Variants in CLVS1 observed in about 807,000 individuals in gnomAD.
CLVS1 encodes clavesin 1, also known as clavesin-1.
CLVS1 carries 10 observed loss-of-function variants against 33.1 expected under a neutral mutation model. The ratio of observed to expected loss-of-function variants is 0.30; its 90% CI spans 0.19 to 0.51. CLVS1 has a LOEUF of 0.51. Ranked by LOEUF, CLVS1 falls within the 20% of genes least tolerant of loss-of-function variation. CLVS1 has a pLI of 0.97. For synonymous variants in CLVS1, 163 were observed against 166.1 expected, an observed-to-expected ratio of 0.98 and a Z score of 0.14; for missense variants, 343 against 433.4, an observed-to-expected ratio of 0.79 and a Z score of 1.85.
At position 61,315,779 on chromosome 8, in the gene CLVS1, T is replaced by C. The variant is rs142498979; in HGVS notation, c.455+15497T>C. ...AGTTCTGGGATACATGTGCAGAAAG[T>C]GCAGGTTTGTTACATAGGTATATAT... On this transcript the variant is annotated intron_variant, in intron 2 of 5. Transcript: ENST00000325897. 6.6e-3 allele frequency among the ~76,000 whole-genome samples: 1,001 copies of C among 152,266 alleles called. 9 individuals carry two copies. Among genetic ancestry groups the C allele is most frequent in the African/African-American group, 0.023 (962 of 41,538 alleles).
chr8:61,484,614 A>C (rs879696006), intron 5 of CLVS1, among the ~76,000 whole-genome samples: 7 of 152,220 alleles, frequency 4.6e-5, no homozygotes, highest in East Asian at 1.9e-4. Flanking sequence ...ATATGGAACC[A>C]AAAAAGAGAC....
intron 3 of CLVS1, among the ~76,000 whole-genome samples, chr8:61,451,226 A>T (rs1157651586): frequency 5.9e-5 from 9 of 152,108 alleles, no homozygotes; most frequent in African/African-American, 2.2e-4. Context: ...TGAATAATAG[A>T]AAATAGTAAG....
intron 2 of CLVS1, among the ~76,000 whole-genome samples, chr8:61,233,674 C>A (rs1808494203): frequency 6.6e-6 from 1 of 152,252 alleles, no homozygotes; most frequent in Non-Finnish European, 1.5e-5. Context: ...TGCCCCCTGG[C>A]CTCTCACTGC....
At chr8:61,258,984 A>G (rs1460304766) in intron 2 of CLVS1, among the ~76,000 whole-genome samples, 2 of 152,202 alleles carry the variant, frequency 1.3e-5, no homozygotes, top group African/African-American at 4.8e-5. Context: ...AACATTAAAA[A>G]GTTCCAATGT....
intron 1 of CLVS1, among the ~76,000 whole-genome samples, chr8:61,127,406 A>G (rs1805997502): frequency 6.6e-6 from 1 of 152,004 alleles, no homozygotes. Flanking sequence ...TTTAGTAGAG[A>G]CGAGGTTTCA....
At chr8:61,328,953 C>G (rs1811487830) in intron 2 of CLVS1, among the ~76,000 whole-genome samples, 1 of 152,188 alleles carries the variant, frequency 6.6e-6, no homozygotes, top group Admixed American at 6.5e-5. Flanking sequence ...CATACCATGT[C>G]TAACATGGAA....
At chr8:61,347,312 C>G (rs1344047579) in intron 2 of CLVS1, among the ~76,000 whole-genome samples, 1 of 152,010 alleles carries the variant, frequency 6.6e-6, no homozygotes, top group Non-Finnish European at 1.5e-5. Context: ...GACGCTACTT[C>G]CTGCAGAGAT....
chr8:61,064,643 C>T (rs1348590804), intron 1 of CLVS1, among the ~76,000 whole-genome samples: 2 of 150,774 alleles, frequency 1.3e-5, no homozygotes, highest in African/African-American at 2.4e-5. Flanking sequence ...TGGGTTCAAA[C>T]GATTCTTCTG....
the CLVS1 span, among the ~76,000 whole-genome samples, chr8:61,042,487 T>G: frequency 6.6e-6 from 1 of 152,210 alleles, no homozygotes; most frequent in Non-Finnish European, 1.5e-5. Flanking sequence ...TTTTGGAGCC[T>G]GGGAAGTTCA....
chr8:61,405,537 G>A (rs1274245424), intron 3 of CLVS1, among the ~76,000 whole-genome samples: 2 of 152,092 alleles, frequency 1.3e-5, no homozygotes, highest in African/African-American at 2.4e-5. Flanking sequence ...ACTTTGAGAG[G>A]CCAAGGCAGG....
At chr8:61,193,918 A>G (rs1807548580) in intron 2 of CLVS1, among the ~76,000 whole-genome samples, 1 of 152,146 alleles carries the variant, frequency 6.6e-6, no homozygotes, top group African/African-American at 2.4e-5. Flanking sequence ...TATCAGTAGC[A>G]TATAAATTGG....
At chr8:61,095,499 C>G (rs1805336961) in intron 1 of CLVS1, among the ~76,000 whole-genome samples, 1 of 152,096 alleles carries the variant, frequency 6.6e-6, no homozygotes, top group South Asian at 2.1e-4. Context: ...AGGCAGTGTC[C>G]CATGGAAACC....
intron 2 of CLVS1, among the ~76,000 whole-genome samples, chr8:61,354,248 A>G (rs916720520): frequency 1.2e-4 from 19 of 152,102 alleles, no homozygotes; most frequent in Admixed American, 1.3e-4. Context: ...GGAAACGCCA[A>G]TCAAGACCAC....
In CLVS1 at chr8:61,214,877, G is replaced by T. The variant is rs556507886; in HGVS notation, c.-152+83017G>T. Among the ~76,000 whole-genome samples the T allele has an allele frequency of 5.3e-5, 8 of 152,250 alleles. No homozygotes were observed. In the South Asian group the frequency reaches 8.3e-4, roughly 16 times the overall value. On this transcript the variant is annotated intron_variant, in intron 2 of 2. Transcript: ENST00000522621. ...CACTGTGAGTTTAACTGGCATTCTG[G>T]TTAATGCATCTGTCTTATGAGCATG...
the CLVS1 span, among the ~76,000 whole-genome samples, chr8:61,035,187 C>CTTTTTTCTTCT: frequency 2.3e-5 from 3 of 129,410 alleles, no homozygotes; most frequent in Non-Finnish European, 3.2e-5. Flanking sequence ...TTTCTTTTTT[C>CTTTTTTCTTCT]TTTTTTTTTT....
At chr8:61,411,469 C>G (rs1815221107) in intron 3 of CLVS1, among the ~76,000 whole-genome samples, 1 of 152,092 alleles carries the variant, frequency 6.6e-6, no homozygotes. Flanking sequence ...GAAGAGACTG[C>G]AGGAGCAGAG....
chr8:60,994,508 G>C, the CLVS1 span, among the ~76,000 whole-genome samples: 4 of 152,206 alleles, frequency 2.6e-5, no homozygotes, highest in Non-Finnish European at 4.4e-5. Context: ...GGTCTGTGAA[G>C]GAGGATGAAG....
chr8:61,331,033 AATT>A (rs1218925854), intron 2 of CLVS1, among the ~76,000 whole-genome samples: 1 of 152,074 alleles, frequency 6.6e-6, no homozygotes, highest in Non-Finnish European at 1.5e-5. Flanking sequence ...AGTGAGATAT[AATT>A]ATGCCACTGC....
At chr8:61,026,968 T>C in the CLVS1 span, among the ~76,000 whole-genome samples, 1 of 152,192 alleles carries the variant, frequency 6.6e-6, no homozygotes, top group African/African-American at 2.4e-5. Context: ...CTTGCGTGAT[T>C]AGTCTTTCCA....
Sources: gnomAD v4.1 joint callset for allele counts (sites outside exome capture counted in the v4.1 genomes callset) on GRCh38, gnomAD v4.1.1 for gene constraint, MANE v1.5 for transcripts, NCBI Gene and HGNC (gene_info 2026-07-23, HGNC 2026-07-21) for gene names.